The following OR5B12 variants were observed in gnomAD, a reference collection of about 807,000 sequenced individuals.
OR5B12 encodes olfactory receptor 5B12.
For missense variants in OR5B12, 418 were observed against 377.0 expected (o/e 1.11, Z -0.90); for synonymous variants, 154 against 138.0 (o/e 1.12, Z -0.81).
In OR5B12 at chr11:58,439,491, T is replaced by C. The variant is rs1855472496; in HGVS notation, c.661A>G (p.Ile221Val). The change falls in exon 2 of 2, where the codon ATC becomes GTC. Residue 221 changes from isoleucine to valine, a missense_variant. By Grantham distance (29) the Ile-to-Val change is conservative. Transcript: ENST00000641921. The stretch of plus-strand genomic sequence containing the variant: ...GGTGAGCGCATCTTCATGATGGTGA[T>C]AAATATAAATAAGTAGGAGATCAAG... ...VILISYLFIF[I>V]TIMKMRSPEG... The C allele has an allele frequency of 2.5e-6, 4 of 1,613,968 alleles. No homozygotes were observed. Among genetic ancestry groups the C allele is most frequent in the Non-Finnish European group, 3.4e-6 (4 of 1,179,998 alleles).
rs141193933 is a variant in OR5B12, at chr11:58,439,895, C to T, written c.257G>A (p.Gly86Glu). 1 of 1,614,112 alleles carries T rather than the reference C, an allele frequency of 6.2e-7. No homozygotes were observed. The highest frequency in any genetic ancestry group is 8.5e-7 in the Non-Finnish European group (1 of 1,180,026). ...TPKVMVGFLT[G>E]DKFILYNACA... ...AGCATTATATAATATGAATTTGTCT[C>T]CTGTGAGAAACCCCACCATCACCTT... The change falls in exon 2 of 2, where the codon GGA becomes GAA. Residue 86 changes from glycine to glutamate, a missense_variant. Coordinates refer to ENST00000641921, the MANE Select transcript of OR5B12 (RefSeq NM_001004733.3).
Position 58,439,543 on chromosome 11 carries a change from GA to G in OR5B12, c.608del (p.Phe203SerfsTer9). On this transcript the variant is annotated frameshift_variant, in exon 2 of 2. Coordinates refer to ENST00000641921, the MANE Select transcript of OR5B12 (RefSeq NM_001004733.3). LOFTEE classifies it low-confidence loss of function (END_TRUNC). ...TTACCAGGATAGAAAAGAGGTCATT[GA>G]ATCCCACCACAAAAAAAATAACCAT... ...SEMVIFFVVGFNDLFSILVIL... is the reference protein window; with the variant it reads ...SEMVIFFVVGXNDLFSILVIL... The G allele has an allele frequency of 1.2e-6, 2 of 1,613,280 alleles. No homozygotes were observed. Among genetic ancestry groups the G allele is most frequent in the Non-Finnish European group, 1.7e-6 (2 of 1,179,756 alleles).
At chr11:58,440,252 T>C (rs1434014542) in intron 1 of OR5B12, 82 bp from the exon 2 acceptor site, 4 of 819,168 alleles carry the variant, frequency 4.9e-6, no homozygotes, top group African/African-American at 1.7e-5. Flanking sequence ...TTTTTTGCTT[T>C]ATTCCAGTAT....
In OR5B12 at chr11:58,439,673, T is replaced by C. The variant is rs576756138; in HGVS notation, c.479A>G (p.Asn160Ser). Residue 160 changes from asparagine to serine, a missense_variant, in exon 2 of 2, where the codon AAC becomes AGC. Coordinates refer to ENST00000641921, the MANE Select transcript of OR5B12 (RefSeq NM_001004733.3). ...GFLNASIHTG[N>S]TFRLSFCRSN... ...TCTACAGAAGGAGAGCCTGAAAGTG[T>C]TCCCAGTATGAATGGATGCATTCAG... 1 of 1,614,116 alleles carries C rather than the reference T, an allele frequency of 6.2e-7. No homozygotes were observed. Among genetic ancestry groups the C allele is most frequent in the East Asian group, 2.2e-5 (1 of 44,876 alleles).
intron 1 of OR5B12, among the ~76,000 whole-genome samples, chr11:58,441,145 A>T (rs1217850362): frequency 6.6e-6 from 1 of 152,174 alleles, no homozygotes; most frequent in Non-Finnish European, 1.5e-5. Context: ...CAATGACCAG[A>T]TGTTTTTAGT....
chr11:58,441,337 G>T (rs1316372315), intron 1 of OR5B12, among the ~76,000 whole-genome samples: 1 of 152,092 alleles, frequency 6.6e-6, no homozygotes, highest in East Asian at 1.9e-4. Flanking sequence ...TGGGCTTCCA[G>T]ATTATGGTAA....
At chr11:58,440,752 G>A (rs985262965) in intron 1 of OR5B12, among the ~76,000 whole-genome samples, 2 of 152,130 alleles carry the variant, frequency 1.3e-5, no homozygotes, top group Admixed American at 6.5e-5. Context: ...ATCCACAAAT[G>A]TTTATAACTA....
chr11:58,439,782 A>G lies in OR5B12; in HGVS notation c.370T>C (p.Leu124=). ...GTGGTGTAATGCAGGGGTTTACACA[A>G]TGCTGCATAGCGGTCATAGGCCATT... is the stretch of plus-strand genomic sequence containing the variant. The part of the protein sequence containing the change: ...ASMAYDRYAA[L]CKPLHYTTTM... Residue 124 remains leucine, a synonymous_variant, in exon 2 of 2, where the codon TTG becomes CTG. Coordinates refer to ENST00000641921, the MANE Select transcript of OR5B12 (RefSeq NM_001004733.3). 4 of 1,614,200 alleles carry G rather than the reference A, an allele frequency of 2.5e-6. No homozygotes were observed. The highest frequency in any genetic ancestry group is 3.4e-6 in the Non-Finnish European group (4 of 1,180,026).
chr11:58,439,882 T>C lies in OR5B12; in HGVS notation c.270A>G (p.Ile90Met), dbSNP rs1261586428. The C allele has an allele frequency of 6.2e-7, 1 of 1,614,056 alleles. No homozygotes were observed. The highest frequency in any genetic ancestry group is 1.3e-5 in the African/African-American group (1 of 74,928). Residue 90 changes from isoleucine to methionine, a missense_variant, in exon 2 of 2, where the codon ATA becomes ATG. Coordinates refer to ENST00000641921, the MANE Select transcript of OR5B12 (RefSeq NM_001004733.3). ...MVGFLTGDKF[I>M]LYNACATQFF... ...ATTGTGTGGCACAAGCATTATATAA[T>C]ATGAATTTGTCTCCTGTGAGAAACC...
chr11:58,439,761 T>C lies in OR5B12; in HGVS notation c.391A>G (p.Thr131Ala), dbSNP rs1554991986. ...CATACATTTGTTGTCATGGTGGTGGTGTAATGCAGGGGTTTACACAATGCT... is the reference window on the plus strand; with the variant it reads ...CATACATTTGTTGTCATGGTGGTGGCGTAATGCAGGGGTTTACACAATGCT... ...YAALCKPLHY[T>A]TTMTTNVCAC... The change falls in exon 2 of 2, where the codon ACC (threonine) becomes GCC (alanine). Residue 131 changes from threonine (T) to alanine (A), a missense_variant. Transcript: ENST00000641921. 6 of 1,614,170 alleles carry C rather than the reference T, an allele frequency of 3.7e-6. No individual in the cohort carries two copies. Among genetic ancestry groups the C allele is most frequent in the Non-Finnish European group, 5.1e-6 (6 of 1,180,030 alleles).
chr11:58,441,752 A>G (rs1487292543), intron 1 of OR5B12, among the ~76,000 whole-genome samples: 1 of 152,220 alleles, frequency 6.6e-6, no homozygotes, highest in African/African-American at 2.4e-5. Flanking sequence ...TAAAACATAA[A>G]TGAATTTTGT....
In OR5B12 at chr11:58,439,333, A is replaced by C; in HGVS notation, c.819T>G (p.Ser273=). Residue 273 remains serine, a synonymous_variant, in exon 2 of 2, where the codon TCT becomes TCG. Coordinates refer to ENST00000641921, the MANE Select transcript of OR5B12 (RefSeq NM_001004733.3). ...TGGGAATGACTATGGCATAGAACAC[A>C]GATGCCATTTTGTCTGTGCCCATGA... ...SHFMGTDKMA[S]VFYAIVIPML... is the part of the protein sequence containing the mutation. 1 of 1,613,180 alleles carries C rather than the reference A, an allele frequency of 6.2e-7. No homozygotes were observed. The highest frequency in any genetic ancestry group is 8.5e-7 in the Non-Finnish European group (1 of 1,179,198).
At chr11:58,441,337 G>A (rs1316372315) in intron 1 of OR5B12, among the ~76,000 whole-genome samples, 1 of 152,092 alleles carries the variant, frequency 6.6e-6, no homozygotes, top group African/African-American at 2.4e-5. Context: ...TGGGCTTCCA[G>A]ATTATGGTAA....
At position 58,439,753 on chromosome 11, in the gene OR5B12, G is replaced by A; in HGVS notation, c.399C>T (p.Thr133=). 6.2e-7 allele frequency: 1 copy of A among 1,612,548 alleles called. No individual in the cohort carries two copies. Among genetic ancestry groups the A allele is most frequent in the Non-Finnish European group, 8.5e-7 (1 of 1,178,592 alleles). ...ALCKPLHYTT[T]MTTNVCACLA... is the part of the protein sequence containing the mutation. ...GGCAAGCACATACATTTGTTGTCAT[G>A]GTGGTGGTGTAATGCAGGGGTTTAC... The change falls in exon 2 of 2, where the codon ACC becomes ACT. Residue 133 remains threonine (T), a synonymous_variant. Transcript: ENST00000641921.
Position 58,440,115 on chromosome 11 carries a change from CA to C in OR5B12, c.36del (p.Val13TrpfsTer3). On this transcript the variant is annotated frameshift_variant, in exon 2 of 2. Transcript: ENST00000641921. LOFTEE classifies it low-confidence loss of function (END_TRUNC). The stretch of plus-strand genomic sequence containing the variant: ...AGTTCTGGGTCATCAGTTAACCCCA[CA>C]AGGATGAATTCAGTCACCTCTGTGT... The part of the protein sequence containing the change: ...ENNTEVTEFI[L>X]VGLTDDPELQ... 1 of 1,611,922 alleles carries C rather than the reference CA, an allele frequency of 6.2e-7. No homozygotes were observed. Among genetic ancestry groups the C allele is most frequent in the Non-Finnish European group, 8.5e-7 (1 of 1,178,882 alleles).
chr11:58,440,646 A>G (rs1855491019), intron 1 of OR5B12, among the ~76,000 whole-genome samples: 1 of 152,250 alleles, frequency 6.6e-6, no homozygotes, highest in Admixed American at 6.5e-5. Flanking sequence ...GAAGAATGGA[A>G]TAGCATGAAA....
chr11:58,440,047 G>A lies in OR5B12; in HGVS notation c.105C>T (p.Ile35=). 3.1e-6 allele frequency: 5 copies of A among 1,614,066 alleles called. No homozygotes were observed. Among genetic ancestry groups the A allele is most frequent in the Non-Finnish European group, 4.2e-6 (5 of 1,179,942 alleles). The change falls in exon 2 of 2, where the codon ATC becomes ATT. Residue 35 remains isoleucine, a synonymous_variant. Coordinates refer to ENST00000641921, the MANE Select transcript of OR5B12 (RefSeq NM_001004733.3). ...TCATCCCCAGGTTCCCAACCAGAGTGATGAGGTAGATGAAAAGGAAGACTA... is the reference window on the plus strand; with the variant it reads ...TCATCCCCAGGTTCCCAACCAGAGTAATGAGGTAGATGAAAAGGAAGACTA... ...LFIVFLFIYL[I]TLVGNLGMIE...
Position 58,439,670 on chromosome 11 carries a change from G to C in OR5B12, c.482C>G (p.Thr161Ser), listed in dbSNP as rs751042691. The C allele has an allele frequency of 4.3e-6, 7 of 1,614,110 alleles. No individual in the cohort carries two copies. Among genetic ancestry groups the C allele is most frequent in the Non-Finnish European group, 5.9e-6 (7 of 1,179,986 alleles). ...FLNASIHTGN[T>S]FRLSFCRSNV... ...GGATCTACAGAAGGAGAGCCTGAAA[G>C]TGTTCCCAGTATGAATGGATGCATT... is the stretch of plus-strand genomic sequence containing the variant. The change falls in exon 2 of 2, where the codon ACT becomes AGT. Residue 161 changes from threonine (T) to serine (S), a missense_variant. By Grantham distance (58) the Thr-to-Ser change is moderately conservative. Coordinates refer to ENST00000641921, the MANE Select transcript of OR5B12 (RefSeq NM_001004733.3).
In OR5B12 at chr11:58,439,762, G is replaced by A; in HGVS notation, c.390C>T (p.Tyr130=). The change falls in exon 2 of 2, where the codon TAC becomes TAT. Residue 130 remains tyrosine, a synonymous_variant. Coordinates refer to ENST00000641921, the MANE Select transcript of OR5B12 (RefSeq NM_001004733.3). ...RYAALCKPLH[Y]TTTMTTNVCA... ...ATACATTTGTTGTCATGGTGGTGGT[G>A]TAATGCAGGGGTTTACACAATGCTG... 1.2e-6 allele frequency: 2 copies of A among 1,613,304 alleles called. No homozygotes were observed. Among genetic ancestry groups the A allele is most frequent in the Admixed American group, 1.7e-5 (1 of 60,026 alleles).
Sources: gnomAD v4.1 joint callset for allele counts (sites outside exome capture counted in the v4.1 genomes callset) on GRCh38, gnomAD v4.1.1 for gene constraint, MANE v1.5 for transcripts, NCBI Gene and HGNC (gene_info 2026-07-23, HGNC 2026-07-21) for gene names.